Variants in INPP4A observed in about 807,000 individuals in gnomAD.
The protein encoded by INPP4A is inositol polyphosphate-4-phosphatase type I A, also known as inositol polyphosphate-4-phosphatase, type I, 107kD.
A neutral mutation model predicts 119.8 loss-of-function variants in INPP4A; 33 were observed. The observed-to-expected ratio is 0.28, with a 90% CI of 0.21 to 0.37. INPP4A has a LOEUF of 0.37. Among genes scored for constraint, INPP4A ranks in the 10% least tolerant of loss-of-function variants. The pLI, the probability that INPP4A is intolerant of heterozygous loss-of-function variation, is 1.00. For synonymous variants in INPP4A, 496 were observed against 500.7 expected (o/e 0.99, Z 0.12); for missense variants, 956 against 1,289.9 (o/e 0.74, Z 3.97).
chr2:98,468,321 G>C (rs1372094082), intron 1 of INPP4A, among the ~76,000 whole-genome samples: 1 of 152,200 alleles, frequency 6.6e-6, no homozygotes, highest in African/African-American at 2.4e-5. Context: ...TTGCAGCCTT[G>C]AACTCCTGGA....
rs1697258722 is a variant in INPP4A, at chr2:98,570,550, A to G, written c.2518+1882A>G. Among the ~76,000 whole-genome samples the G allele has an allele frequency of 6.6e-6, 1 of 152,044 alleles. No homozygotes were observed. Among genetic ancestry groups the G allele is most frequent in the Non-Finnish European group, 1.5e-5 (1 of 68,004 alleles). ...TGGAATGGACCACTTTGTCCCAAAGACTGTCAGCAACTTGAGGGATGGGGC... is the reference window on the plus strand; with the variant it reads ...TGGAATGGACCACTTTGTCCCAAAGGCTGTCAGCAACTTGAGGGATGGGGC... On this transcript the variant is annotated intron_variant, in intron 22 of 24. Transcript: ENST00000409851. The surrounding 1 kb of genome is among the most constrained non-coding windows in gnomAD (Gnocchi z 4.3).
chr2:98,487,323 G>A (rs1051901806), intron 1 of INPP4A, among the ~76,000 whole-genome samples: 1 of 152,208 alleles, frequency 6.6e-6, no homozygotes, highest in Non-Finnish European at 1.5e-5. Flanking sequence ...CCTTGTGGTT[G>A]TGAGTTTCTC....
rs1177148293 is a variant in INPP4A, at chr2:98,592,148, G to A, written c.*4540G>A. The A allele has an allele frequency of 6.6e-6, 1 of 152,228 alleles. No individual in the cohort carries two copies. Among genetic ancestry groups the A allele is most frequent in the Non-Finnish European group, 1.5e-5 (1 of 68,060 alleles). 9.4% of individuals were successfully genotyped at this position (152,228 alleles called of 1,614,324 possible). A position where few individuals can be genotyped will look rare whatever the true frequency, so the allele number is the denominator to read the frequency against. ...CAGGCCCTCACAGAACTCTGCATTT[G>A]GAGATGGACAAACTCTCTTCTTCTT... On this transcript the variant is annotated 3_prime_UTR_variant, in exon 25 of 25. Transcript: ENST00000409851.
chr2:98,519,814 C>A (rs41531644), intron 2 of INPP4A, 132 bp from the exon 3 acceptor site: 4 of 526,344 alleles, frequency 7.6e-6, no homozygotes, highest in Non-Finnish European at 1.4e-5. Flanking sequence ...GGACAGTCCA[C>A]CCCGGTTCCT....
intron 13 of INPP4A, among the ~76,000 whole-genome samples, chr2:98,547,580 T>C (rs968719426): frequency 2.0e-5 from 3 of 152,108 alleles, no homozygotes; most frequent in Non-Finnish European, 4.4e-5. Flanking sequence ...AGTAAGATCC[T>C]TGGACTGTGA....
At chr2:98,538,004 TAGAA>T (rs896926043) in intron 8 of INPP4A, 30 bp downstream of exon 8, 1 of 1,416,516 alleles carries the variant, frequency 7.1e-7, no homozygotes, top group Non-Finnish European at 9.9e-7. Context: ...TCCTCTCCCT[TAGAA>T]AGAGCAAGGG....
chr2:98,451,317 C>A (rs1395005092), intron 1 of INPP4A, among the ~76,000 whole-genome samples: 1 of 152,092 alleles, frequency 6.6e-6, no homozygotes, highest in Non-Finnish European at 1.5e-5. Flanking sequence ...TGGCGAGGGA[C>A]TTAGGCACAG....
In INPP4A at chr2:98,546,091, C is replaced by A. The variant is rs887847178; in HGVS notation, c.1054+18C>A. The A allele has an allele frequency of 2.0e-6, 3 of 1,512,356 alleles. No homozygotes were observed. The highest frequency in any genetic ancestry group is 2.7e-6 in the Non-Finnish European group (3 of 1,108,680). 93.7% of individuals were successfully genotyped at this position (1,512,356 alleles called of 1,614,324 possible). A position where few individuals can be genotyped will look rare whatever the true frequency, so the allele number is the denominator to read the frequency against. ...AGGATCAGGTACCTATTTTTCTGCT[C>A]CCTCTTGTTGAATCACATTTCGCTG... is the stretch of plus-strand genomic sequence containing the variant. On this transcript the variant is annotated intron_variant, in intron 12 of 24. Coordinates refer to ENST00000409851, the MANE Select transcript of INPP4A (RefSeq NM_001134225.2). The surrounding 1 kb of genome is among the most constrained non-coding windows in gnomAD (Gnocchi z 4.2).
chr2:98,591,140 T>C lies in INPP4A; in HGVS notation c.*3532T>C, dbSNP rs1700380232. 1 of 184,168 alleles carries C rather than the reference T, an allele frequency of 5.4e-6. No individual in the cohort carries two copies. Among genetic ancestry groups the C allele is most frequent in the African/African-American group, 2.3e-5 (1 of 42,684 alleles). The allele number at this position is 184,168 out of a possible 1,614,324, so 11.4% of individuals were successfully genotyped here. A position where few individuals can be genotyped will look rare whatever the true frequency, so the allele number is the denominator to read the frequency against. ...TAGTCACATATACCTGTCTTTCATT[T>C]TGATGCTTGTTCTGAAATGGAGTCC... is the stretch of plus-strand genomic sequence containing the variant. On this transcript the variant is annotated 3_prime_UTR_variant, in exon 25 of 25. Transcript: ENST00000409851.
chr2:98,510,843 T>G (rs570639020), intron 1 of INPP4A, among the ~76,000 whole-genome samples: 2 of 152,308 alleles, frequency 1.3e-5, no homozygotes, highest in South Asian at 4.1e-4. Context: ...TTTATTAAAC[T>G]AATGAGGCAT....
intron 19 of INPP4A, among the ~76,000 whole-genome samples, chr2:98,565,412 C>T (rs539873421): frequency 3.3e-5 from 5 of 152,302 alleles, no homozygotes; most frequent in South Asian, 2.1e-4. Flanking sequence ...AGGGATGGCG[C>T]GTGTTTCCAC....
chr2:98,523,479 C>T (rs1367236851), intron 4 of INPP4A, among the ~76,000 whole-genome samples: 1 of 151,520 alleles, frequency 6.6e-6, no homozygotes, highest in Non-Finnish European at 1.5e-5. Context: ...ACTGCAAGCT[C>T]CGCCTCCTGG....
intron 1 of INPP4A, among the ~76,000 whole-genome samples, chr2:98,478,373 C>CCCTT (rs1677693206): frequency 6.6e-6 from 1 of 152,202 alleles, no homozygotes; most frequent in East Asian, 1.9e-4. Flanking sequence ...GGAGCTTTTA[C>CCCTT]AAGGCTCTGT....
intron 1 of INPP4A, among the ~76,000 whole-genome samples, chr2:98,518,443 T>G (rs1686558402): frequency 6.6e-6 from 1 of 152,264 alleles, no homozygotes; most frequent in African/African-American, 2.4e-5. Flanking sequence ...CCCTGCCCTG[T>G]GGCCTGCCAA....
In INPP4A at chr2:98,519,008, C is replaced by T. The variant is rs913079676; in HGVS notation, c.-121C>T. On this transcript the variant is annotated 5_prime_UTR_variant, in exon 2 of 25. The change creates a premature stop within an existing upstream ORF in the 5' untranslated region. Transcript: ENST00000409851. ...TTCTATGAAGAAATGCCACATGGTC[C>T]GAGAGCAAACATGTCCAGTAAGTTG... The T allele has an allele frequency of 1.3e-5, 2 of 152,102 alleles. No individual in the cohort carries two copies. The highest frequency in any genetic ancestry group is 2.4e-5 in the African/African-American group (1 of 41,408). 9.4% of individuals were successfully genotyped at this position (152,102 alleles called of 1,614,324 possible).
intron 4 of INPP4A, among the ~76,000 whole-genome samples, chr2:98,522,413 A>C (rs1396915767): frequency 6.6e-6 from 1 of 152,112 alleles, no homozygotes; most frequent in Non-Finnish European, 1.5e-5. Flanking sequence ...GAACAATCTT[A>C]GAAGTTTAAA....
At position 98,573,992 on chromosome 2, in the gene INPP4A, G is replaced by T. The variant is rs1575149686; in HGVS notation, c.2631+1065G>T. ...AAGCGTGGGGTGGATCAATCTGCAG[G>T]TCTCCCCTCTCTGGGCCTGGCTGCC... is the stretch of plus-strand genomic sequence containing the variant. On this transcript the variant is annotated intron_variant, in intron 23 of 24. Transcript: ENST00000409851. Among the ~76,000 whole-genome samples, 3 of 152,146 alleles carry T rather than the reference G, an allele frequency of 2.0e-5. No individual in the cohort carries two copies. The East Asian group carries it at 5.8e-4, about 29-fold the overall frequency.
intron 1 of INPP4A, among the ~76,000 whole-genome samples, chr2:98,484,965 C>T (rs1468524222): frequency 6.6e-6 from 1 of 151,110 alleles, no homozygotes; most frequent in Non-Finnish European, 1.5e-5. Context: ...GCATCCTTGT[C>T]TGAGATCCCA....
intron 1 of INPP4A, among the ~76,000 whole-genome samples, chr2:98,465,049 G>A (rs1674456676): frequency 6.6e-6 from 1 of 152,234 alleles, no homozygotes; most frequent in Non-Finnish European, 1.5e-5. Context: ...CCACGTGCCA[G>A]ATAGCGTGCT....
Sources: allele counts gnomAD v4.1 joint callset (sites outside exome capture counted in the v4.1 genomes callset), GRCh38; gene constraint gnomAD v4.1.1; non-coding constraint Gnocchi (gnomAD v3.1); transcripts MANE v1.5; gene names NCBI Gene and HGNC (gene_info 2026-07-23, HGNC 2026-07-21).